The following CTPS2 variants were observed in gnomAD, a reference collection of about 807,000 sequenced individuals.
CTPS2 encodes the protein CTP synthase II.
In CTPS2, 19 loss-of-function variants were observed where a neutral mutation model predicts 46.8. The observed-to-expected ratio is 0.41, with a 90% CI of 0.28 to 0.60. The LOEUF is 0.60. Ranked by LOEUF, CTPS2 falls within the 20% of genes least tolerant of loss-of-function variation. CTPS2 has a pLI of 0.35. For synonymous variants in CTPS2, 151 were observed against 165.2 expected (o/e 0.91, Z 0.66); for missense variants, 286 against 447.6 (o/e 0.64, Z 3.26).
intron 13 of CTPS2, among the ~76,000 whole-genome samples, chrX:16,656,322 A>T (rs1164821668): frequency 1.8e-5 from 2 of 111,254 alleles, no homozygotes; most frequent in Non-Finnish European, 3.8e-5. Context: ...CAAGCCATTT[A>T]TTATTTTTAC....
chrX:16,666,768 G>C (rs1269094753), intron 13 of CTPS2, among the ~76,000 whole-genome samples: 2 of 111,846 alleles, frequency 1.8e-5, no homozygotes, highest in Non-Finnish European at 3.8e-5. Context: ...CAGAATCCTG[G>C]ACTGAATATT....
chrX:16,664,987 T>A (rs1921053865), intron 13 of CTPS2, among the ~76,000 whole-genome samples: 2 of 112,247 alleles, frequency 1.8e-5, no homozygotes, highest in East Asian at 5.6e-4. Flanking sequence ...AGGATGTGAA[T>A]GGACCTTTCT....
chrX:16,640,946 T>G (rs1949435942), intron 13 of CTPS2, among the ~76,000 whole-genome samples: 1 of 111,971 alleles, frequency 8.9e-6, no homozygotes, highest in Admixed American at 9.5e-5. Flanking sequence ...AAGAGTTACT[T>G]CAGGGAAAGG....
intron 17 of CTPS2, among the ~76,000 whole-genome samples, chrX:16,605,039 G>A (rs900657958): frequency 8.0e-5 from 9 of 112,347 alleles, no homozygotes; most frequent in Non-Finnish European, 1.5e-4. Flanking sequence ...TTAGTTCTTG[G>A]CTGGTGTCCG....
intron 13 of CTPS2, among the ~76,000 whole-genome samples, chrX:16,659,387 G>C (rs1315100778): frequency 2.7e-5 from 3 of 111,091 alleles, no homozygotes; most frequent in African/African-American, 9.8e-5. Flanking sequence ...ACCTTGAGGG[G>C]AGCATGCAGG....
chrX:16,672,602 T>C (rs1432974782), intron 10 of CTPS2, among the ~76,000 whole-genome samples: 1 of 111,325 alleles, frequency 9.0e-6, no homozygotes, highest in African/African-American at 3.3e-5. Flanking sequence ...TGTCTATGTT[T>C]TGTCACACAT....
chrX:16,675,798 G>A (rs1469303472), intron 10 of CTPS2, among the ~76,000 whole-genome samples: 1 of 112,013 alleles, frequency 8.9e-6, no homozygotes, highest in Non-Finnish European at 1.9e-5. Flanking sequence ...GCAGAATAGA[G>A]GAAAATCTTT....
At chrX:16,671,512 T>C (rs868399417) in intron 10 of CTPS2, among the ~76,000 whole-genome samples, 13 of 70,011 alleles carry the variant, frequency 1.9e-4, no homozygotes, top group African/African-American at 4.2e-4. Flanking sequence ...TTTCTTTTTT[T>C]TTTTTTTTTT....
At chrX:16,612,714 G>A (rs1039830286) in intron 16 of CTPS2, among the ~76,000 whole-genome samples, 1 of 111,787 alleles carries the variant, frequency 8.9e-6, no homozygotes, top group Non-Finnish European at 1.9e-5. Context: ...GATCATCTTA[G>A]GTAGAACGTG....
intron 3 of CTPS2, 135 bp downstream of exon 3, chrX:16,698,788 T>G: frequency 3.9e-6 from 2 of 512,192 alleles, no homozygotes; most frequent in East Asian, 7.6e-5. Context: ...TGACCTCAGG[T>G]GATCCACTGG....
In CTPS2 at chrX:16,652,019, G is replaced by T. The variant is rs186486096; in HGVS notation, c.1297-12776C>A. ...GGGGTTTATGACCATAGAGCAGGAT[G>T]GGGGGGGCCAGTGGATGGAAAATTA... is the stretch of plus-strand genomic sequence containing the variant. On this transcript the variant is annotated intron_variant, in intron 13 of 18. Coordinates refer to ENST00000359276, the MANE Select transcript of CTPS2 (RefSeq NM_175859.3). 5.4e-3 allele frequency among the ~76,000 whole-genome samples: 576 copies of T among 106,963 alleles called. 9 individuals carry two copies. The East Asian group carries it at 0.057, about 11-fold the overall frequency. 92.9% of individuals were successfully genotyped at this position (106,963 alleles called of 115,157 possible).
intron 15 of CTPS2, among the ~76,000 whole-genome samples, chrX:16,618,191 C>G (rs887419432): frequency 2.7e-5 from 3 of 111,849 alleles, no homozygotes; most frequent in African/African-American, 9.8e-5. Context: ...TAGAATCATG[C>G]AATATGTGGG....
intron 10 of CTPS2, among the ~76,000 whole-genome samples, chrX:16,674,834 T>C (rs1922127288): frequency 9.9e-6 from 1 of 100,707 alleles, no homozygotes; most frequent in Admixed American, 1.1e-4. Flanking sequence ...CGAGACTCCG[T>C]CTCAAAAAAA....
rs772522874 is a variant in CTPS2, at chrX:16,702,786, G to A, written c.117C>T (p.Ile39=). Residue 39 remains isoleucine, a synonymous_variant, in exon 2 of 19, where the codon ATC becomes ATT. Transcript: ENST00000359276. ...SCGLRVTAIK[I]DPYINIDAGT... is the part of the protein sequence containing the mutation. ...CAGCATCGATGTTAATATAGGGGTCGATTTTTATGGCAGTAACTCGGAGTC... is the reference window on the plus strand; with the variant it reads ...CAGCATCGATGTTAATATAGGGGTCAATTTTTATGGCAGTAACTCGGAGTC... 17 of 1,208,057 alleles carry A rather than the reference G, an allele frequency of 1.4e-5. No homozygotes were observed. In the South Asian group the frequency reaches 2.8e-4, roughly 20 times the overall value.
rs181451397 is a variant in CTPS2, at chrX:16,608,825, G to A, written c.1691+716C>T. ...TCGTTGACAATTTGGCAGGGAAGTA[G>A]GGAGCCAAATCCCAACCTCACAGGT... On this transcript the variant is annotated intron_variant, in intron 17 of 18. Coordinates refer to ENST00000359276, the MANE Select transcript of CTPS2 (RefSeq NM_175859.3). 1.3e-3 allele frequency among the ~76,000 whole-genome samples: 142 copies of A among 111,252 alleles called. No homozygotes were observed. In the Middle Eastern group the frequency reaches 0.019, roughly 15 times the overall value.
In CTPS2 at chrX:16,637,202, C is replaced by G. The variant is rs755097316; in HGVS notation, c.1393+1945G>C. Among the ~76,000 whole-genome samples the G allele has an allele frequency of 2.6e-4, 29 of 111,502 alleles. No homozygotes were observed. In the South Asian group the frequency reaches 4.2e-3, roughly 16 times the overall value. On this transcript the variant is annotated intron_variant, in intron 14 of 18. Coordinates refer to ENST00000359276, the MANE Select transcript of CTPS2 (RefSeq NM_175859.3). ...CCTCCCACCTCAGCCTCCCAAGCAG[C>G]TGGGACTACAGGCACATTACACCAC...
chrX:16,612,390 C>T (rs1383388235), intron 16 of CTPS2, among the ~76,000 whole-genome samples: 2 of 111,969 alleles, frequency 1.8e-5, no homozygotes, highest in East Asian at 5.6e-4. Context: ...TATAGCAGCT[C>T]TCATTTCCTT....
rs189602376 is a variant in CTPS2, at chrX:16,688,272, C to T, written c.872+1178G>A. Among the ~76,000 whole-genome samples, 996 of 110,201 alleles carry T rather than the reference C, an allele frequency of 9.0e-3. 9 individuals carry two copies. The highest frequency in any genetic ancestry group is 0.031 in the African/African-American group (930 of 30,336). On this transcript the variant is annotated intron_variant, in intron 8 of 18. Coordinates refer to ENST00000359276, the MANE Select transcript of CTPS2 (RefSeq NM_175859.3). Reference sequence around the variant, plus strand: ...AAAATTAGCTGGGCATGGTGGCGGGCGCCTGTAATCCCAGCTACTCAGGAG... The same window carrying T: ...AAAATTAGCTGGGCATGGTGGCGGGTGCCTGTAATCCCAGCTACTCAGGAG...
chrX:16,636,216 G>A (rs1318682721), intron 14 of CTPS2, among the ~76,000 whole-genome samples: 1 of 110,781 alleles, frequency 9.0e-6, no homozygotes, highest in Non-Finnish European at 1.9e-5. Context: ...TGTGGCCAAC[G>A]AAACCCCGTC....
Sources: gnomAD v4.1 joint callset for allele counts (sites outside exome capture counted in the v4.1 genomes callset) on GRCh38, gnomAD v4.1.1 for gene constraint, MANE v1.5 for transcripts, NCBI Gene and HGNC (gene_info 2026-07-23, HGNC 2026-07-21) for gene names.